The following IL18 variants were observed in gnomAD, a reference collection of about 807,000 sequenced individuals.
The protein encoded by IL18 is interleukin-18.
Under a neutral mutation model 14.2 loss-of-function variants are expected in IL18, and 8 were observed. The ratio of observed to expected loss-of-function variants is 0.56; its 90% confidence interval spans 0.33 to 1.01. The LOEUF (loss-of-function observed/expected upper bound fraction) is 1.01, where lower values mean the gene tolerates loss of function less well. IL18 is among the 50% of genes least tolerant of loss of function. The pLI is 0.03. For synonymous variants in IL18, 67 were observed against 71.0 expected, an observed-to-expected ratio of 0.94 and a Z score of 0.28; for missense variants, 166 against 231.1, an observed-to-expected ratio of 0.72 and a Z score of 1.83.
intron 5 of IL18, among the ~76,000 whole-genome samples, chr11:112,147,378 G>A (rs187262815): frequency 5.4e-4 from 82 of 152,312 alleles, no homozygotes; most frequent in African/African-American, 1.9e-3. Flanking sequence ...TCCACCTGTA[G>A]GTTCGGACTT....
chr11:112,152,398 G>A lies in IL18; in HGVS notation c.91+1194C>T, dbSNP rs559436800. Reference sequence around the variant, plus strand: ...ATTTCTTGTAATAACTAAAATAATAGCCTCTCAACCCTTAATTTTGTCCTC... The same window carrying A: ...ATTTCTTGTAATAACTAAAATAATAACCTCTCAACCCTTAATTTTGTCCTC... On this transcript the variant is annotated intron_variant, in intron 3 of 5. Coordinates refer to ENST00000280357, the MANE Select transcript of IL18 (RefSeq NM_001562.4). 2.0e-5 allele frequency among the ~76,000 whole-genome samples: 3 copies of A among 152,136 alleles called. No individual in the cohort carries two copies. In the East Asian group the frequency reaches 5.8e-4, roughly 29 times the overall value.
intron 1 of IL18, 121 bp from the exon 2 acceptor site, chr11:112,155,182 A>T: frequency 3.6e-6 from 2 of 553,894 alleles, no homozygotes; most frequent in Non-Finnish European, 6.5e-6. Context: ...CAATCTTGAC[A>T]TTCAATAAAT....
At chr11:112,145,674 G>A (rs1217854211) in intron 5 of IL18, among the ~76,000 whole-genome samples, 2 of 152,082 alleles carry the variant, frequency 1.3e-5, no homozygotes, top group Non-Finnish European at 2.9e-5. Context: ...GGGAGGCAGA[G>A]CTTGCAGTGA....
chr11:112,160,416 A>G (rs1227630161), intron 1 of IL18, among the ~76,000 whole-genome samples: 3 of 151,034 alleles, frequency 2.0e-5, no homozygotes, highest in African/African-American at 7.3e-5. Flanking sequence ...ATTCCTAGCT[A>G]ATTATTCTCT....
intron 2 of IL18, 104 bp downstream of exon 2, chr11:112,154,871 A>G (rs900925375): frequency 4.4e-6 from 3 of 678,996 alleles, no homozygotes; most frequent in South Asian, 2.0e-5. Context: ...ATTACAGTGA[A>G]ATTTGGTGAC....
chr11:112,154,118 A>G (rs1014284389), intron 2 of IL18, among the ~76,000 whole-genome samples: 1 of 152,116 alleles, frequency 6.6e-6, no homozygotes, highest in African/African-American at 2.4e-5. Flanking sequence ...GATATTTTGC[A>G]GTTTTTTGTA....
intron 5 of IL18, among the ~76,000 whole-genome samples, chr11:112,147,764 G>C (rs369680438): frequency 4.6e-5 from 7 of 152,232 alleles, no homozygotes; most frequent in African/African-American, 1.7e-4. Flanking sequence ...CTGTCTTTCA[G>C]TGGGGACTGG....
intron 1 of IL18, among the ~76,000 whole-genome samples, chr11:112,158,655 TAA>T (rs1866577048): frequency 6.6e-6 from 1 of 151,964 alleles, no homozygotes; most frequent in African/African-American, 2.4e-5. Context: ...CTGAGTTATT[TAA>T]AGTCTAATTT....
In IL18 at chr11:112,143,735, T is replaced by A; in HGVS notation, c.443A>T (p.Lys148Met). The A allele has an allele frequency of 6.2e-7, 1 of 1,612,820 alleles. No individual in the cohort carries two copies. The highest frequency in any genetic ancestry group is 8.5e-7 in the Non-Finnish European group (1 of 1,178,870). Reference sequence around the variant, plus strand: ...GTATGATGAAGATTCAAATTGCATCTTATTATCATGTCCTGGGACACTTCT... The same window carrying A: ...GTATGATGAAGATTCAAATTGCATCATATTATCATGTCCTGGGACACTTCT... ...FQRSVPGHDN[K>M]MQFESSSYEG... Residue 148 changes from lysine (K) to methionine (M), a missense_variant, in exon 6 of 6, where the codon AAG (lysine) becomes ATG (methionine). Transcript: ENST00000280357.
chr11:112,155,832 G>A (rs1306251106), intron 1 of IL18, among the ~76,000 whole-genome samples: 1 of 152,068 alleles, frequency 6.6e-6, no homozygotes, highest in Non-Finnish European at 1.5e-5. Flanking sequence ...TGTGAACTTG[G>A]ATGGGGAAAA....
At chr11:112,145,109 G>C (rs900037144) in intron 5 of IL18, among the ~76,000 whole-genome samples, 2 of 89,602 alleles carry the variant, frequency 2.2e-5, no homozygotes, top group Admixed American at 2.8e-4. Flanking sequence ...AATTAAAATA[G>C]CATTTCTTCA....
chr11:112,158,172 G>T (rs1866566748), intron 1 of IL18, among the ~76,000 whole-genome samples: 1 of 152,058 alleles, frequency 6.6e-6, no homozygotes, highest in South Asian at 2.1e-4. Flanking sequence ...TTAGTAGTGA[G>T]GGGGGCGGGT....
Position 112,148,776 on chromosome 11 carries a change from A to G in IL18, c.227-40T>C, listed in dbSNP as rs200345831. 6 of 1,271,814 alleles carry G rather than the reference A, an allele frequency of 4.7e-6. No individual in the cohort carries two copies. In the South Asian group the frequency reaches 7.7e-5, roughly 16 times the overall value. The allele number at this position is 1,271,814 out of a possible 1,614,324, so 78.8% of individuals were successfully genotyped here. A position where few individuals can be genotyped will look rare whatever the true frequency, so the allele number is the denominator to read the frequency against. On this transcript the variant is annotated intron_variant, in intron 4 of 5. Coordinates refer to ENST00000280357, the MANE Select transcript of IL18 (RefSeq NM_001562.4). ...ATAAATGAGAACTCTAGTTAGAAGA[A>G]TTCTTGCACAGGAACATTTGCGGAA...
chr11:112,151,661 A>G (rs550573291), intron 3 of IL18, among the ~76,000 whole-genome samples: 8 of 152,194 alleles, frequency 5.3e-5, no homozygotes, highest in African/African-American at 1.7e-4. Context: ...ACTCATTGCA[A>G]TCTGCCTCTG....
chr11:112,147,434 C>A (rs941660165), intron 5 of IL18, among the ~76,000 whole-genome samples: 1 of 152,180 alleles, frequency 6.6e-6, no homozygotes, highest in African/African-American at 2.4e-5. Flanking sequence ...TTCCTCTATC[C>A]CACATAGCTT....
chr11:112,154,402 T>A (rs909296164), intron 2 of IL18, among the ~76,000 whole-genome samples: 18 of 151,796 alleles, frequency 1.2e-4, no homozygotes, highest in African/African-American at 4.4e-4. Context: ...GGGATGCACC[T>A]GTAGTCCCAG....
intron 5 of IL18, among the ~76,000 whole-genome samples, chr11:112,145,321 G>A (rs1223903495): frequency 6.6e-6 from 1 of 152,178 alleles, no homozygotes; most frequent in East Asian, 1.9e-4. Context: ...AATTTAGGAA[G>A]AGACCCTAAG....
At chr11:112,159,093 C>T (rs1866584546) in intron 1 of IL18, among the ~76,000 whole-genome samples, 1 of 152,118 alleles carries the variant, frequency 6.6e-6, no homozygotes, top group South Asian at 2.1e-4. Context: ...TGGCTCATGC[C>T]TGTAATCCCA....
chr11:112,146,747 C>G (rs188395954), intron 5 of IL18, among the ~76,000 whole-genome samples: 1 of 150,312 alleles, frequency 6.7e-6, no homozygotes, highest in Non-Finnish European at 1.5e-5. Context: ...CTCACTCTCT[C>G]CCCCCCTCCA....
Sources: allele counts gnomAD v4.1 joint callset (sites outside exome capture counted in the v4.1 genomes callset), GRCh38; gene constraint gnomAD v4.1.1; transcripts MANE v1.5; gene names NCBI Gene and HGNC (gene_info 2026-07-23, HGNC 2026-07-21).